Variants in CCDC141 observed in about 807,000 individuals in gnomAD.
The protein encoded by CCDC141 is coiled-coil domain-containing protein 141.
CCDC141 carries 168 observed loss-of-function variants against 181.0 expected under a neutral mutation model. That is an observed-to-expected ratio of 0.93 (90% CI 0.82 to 1.05). CCDC141 has a LOEUF of 1.05. CCDC141 is among the 50% of genes least tolerant of loss of function. The pLI is 0.00. For synonymous variants in CCDC141, 666 were observed against 642.3 expected (o/e 1.04, Z -0.56); for missense variants, 1,902 against 1,788.5 (o/e 1.06, Z -1.14).
intron 4 of CCDC141, among the ~76,000 whole-genome samples, chr2:178,970,411 A>G (rs1376663094): frequency 1.3e-5 from 2 of 152,224 alleles, no homozygotes; most frequent in African/African-American, 2.4e-5. Flanking sequence ...TGATACTGGT[A>G]CCAAAACAGA....
intron 2 of CCDC141, among the ~76,000 whole-genome samples, chr2:179,038,343 G>A (rs1295327062): frequency 6.6e-6 from 1 of 152,138 alleles, no homozygotes; most frequent in Non-Finnish European, 1.5e-5. Context: ...AAGTGGATTA[G>A]AGCTTACCAG....
chr2:178,964,314 G>A (rs1310590857), intron 4 of CCDC141, among the ~76,000 whole-genome samples: 2 of 152,128 alleles, frequency 1.3e-5, no homozygotes, highest in East Asian at 1.9e-4. Flanking sequence ...GAAGGCAACA[G>A]GGTCTCCACA....
intron 15 of CCDC141, 71 bp downstream of exon 15, chr2:178,869,046 T>C: frequency 1.7e-6 from 2 of 1,155,456 alleles, no homozygotes; most frequent in Non-Finnish European, 1.2e-6. Context: ...CTTTATTTAT[T>C]ATATAATAAT....
intron 7 of CCDC141, among the ~76,000 whole-genome samples, chr2:178,917,898 T>C (rs1688522075): frequency 6.6e-6 from 1 of 152,248 alleles, no homozygotes; most frequent in African/African-American, 2.4e-5. Flanking sequence ...GCTAAGGCAC[T>C]GTTTCTAGCC....
At chr2:178,892,662 A>G (rs1439436658) in intron 8 of CCDC141, among the ~76,000 whole-genome samples, 3 of 152,204 alleles carry the variant, frequency 2.0e-5, no homozygotes, top group African/African-American at 7.2e-5. Context: ...CAATTTCCTC[A>G]GCACCTGAAC....
chr2:178,860,270 A>G (rs1248695320), intron 17 of CCDC141, among the ~76,000 whole-genome samples: 2 of 152,108 alleles, frequency 1.3e-5, no homozygotes, highest in Non-Finnish European at 2.9e-5. Flanking sequence ...ATCATTTGCT[A>G]CAATTATCAA....
intron 22 of CCDC141, among the ~76,000 whole-genome samples, chr2:178,843,126 C>A (rs747819605): frequency 6.6e-6 from 1 of 152,178 alleles, no homozygotes; most frequent in Non-Finnish European, 1.5e-5. Context: ...TGGACATCTA[C>A]AGTATCATTA....
At chr2:178,990,482 T>C (rs1456501931) in intron 2 of CCDC141, among the ~76,000 whole-genome samples, 1 of 148,728 alleles carries the variant, frequency 6.7e-6, no homozygotes, top group Non-Finnish European at 1.5e-5. Context: ...TATATCCATA[T>C]GAAGGAGTAT....
At chr2:178,947,778 C>T (rs1478471700) in intron 5 of CCDC141, among the ~76,000 whole-genome samples, 2 of 152,196 alleles carry the variant, frequency 1.3e-5, no homozygotes, top group Non-Finnish European at 2.9e-5. Context: ...AATACGGTAG[C>T]CTCTCATCAT....
At chr2:178,905,279 G>A in intron 8 of CCDC141, 50 bp downstream of exon 8, 1 of 1,458,960 alleles carries the variant, frequency 6.9e-7, no homozygotes, top group Non-Finnish European at 9.2e-7. Flanking sequence ...GCACGTTGTG[G>A]AAACTGTGAA....
chr2:179,047,151 G>T, intron 2 of CCDC141, 133 bp downstream of exon 2: 1 of 659,898 alleles, frequency 1.5e-6, no homozygotes, highest in Non-Finnish European at 2.2e-6. Flanking sequence ...AATAACTACT[G>T]ATTTTTCCAT....
At chr2:179,039,773 G>A (rs2043244360) in intron 2 of CCDC141, among the ~76,000 whole-genome samples, 1 of 152,142 alleles carries the variant, frequency 6.6e-6, no homozygotes, top group African/African-American at 2.4e-5. Flanking sequence ...AACCAACTTG[G>A]ATCCAACAAT....
chr2:179,021,572 T>G (rs2042693102), intron 2 of CCDC141, among the ~76,000 whole-genome samples: 1 of 152,148 alleles, frequency 6.6e-6, no homozygotes, highest in African/African-American at 2.4e-5. Flanking sequence ...TTTCAGGGGC[T>G]CCTGTGCTAA....
At chr2:178,911,554 C>T (rs1308344004) in intron 7 of CCDC141, among the ~76,000 whole-genome samples, 1 of 152,116 alleles carries the variant, frequency 6.6e-6, no homozygotes, top group East Asian at 1.9e-4. Flanking sequence ...CAACTGTATC[C>T]CAAAAAGAGT....
chr2:178,856,843 C>A (rs1685411271), intron 17 of CCDC141, among the ~76,000 whole-genome samples: 1 of 152,124 alleles, frequency 6.6e-6, no homozygotes, highest in South Asian at 2.1e-4. Flanking sequence ...CCTTGGCCTC[C>A]CAAAGTGCTG....
chr2:178,954,715 C>G lies in CCDC141; in HGVS notation c.780+6515G>C, dbSNP rs373998941. Reference sequence around the variant, plus strand: ...TTGTTCTAATTTTCTACTTAATTTCCCTTTTTCTTAAGTGGTTAAAATGAT... The same window carrying G: ...TTGTTCTAATTTTCTACTTAATTTCGCTTTTTCTTAAGTGGTTAAAATGAT... On this transcript the variant is annotated intron_variant, in intron 5 of 23. Transcript: ENST00000443758. Among the ~76,000 whole-genome samples, 148 of 152,100 alleles carry G rather than the reference C, an allele frequency of 9.7e-4. 1 individual carries two copies. The highest frequency in any genetic ancestry group is 3.4e-3 in the African/African-American group (143 of 41,482).
Position 178,885,037 on chromosome 2 carries a change from AATTC to A in CCDC141, c.1579_1582del (p.Glu527LeufsTer16). The A allele has an allele frequency of 6.5e-7, 1 of 1,550,300 alleles. No individual in the cohort carries two copies. Among genetic ancestry groups the A allele is most frequent in the Non-Finnish European group, 8.7e-7 (1 of 1,146,756 alleles). On this transcript the variant is annotated frameshift_variant, in exon 11 of 24. Coordinates refer to ENST00000443758, the MANE Select transcript of CCDC141 (RefSeq NM_173648.4). LOFTEE classifies it high-confidence loss of function. ...AAGTGATACCATTTCATCAGATACA[AATTC>A]ATTTTTCTCCATCATGGTTTTTGCA...
intron 22 of CCDC141, among the ~76,000 whole-genome samples, chr2:178,843,746 G>C (rs1462175653): frequency 6.6e-6 from 1 of 152,110 alleles, no homozygotes; most frequent in Non-Finnish European, 1.5e-5. Context: ...TTTTCACTTG[G>C]TGCTTCCTAT....
chr2:178,884,817 C>G (rs1686802474), intron 11 of CCDC141, 84 bp downstream of exon 11: 2 of 1,132,218 alleles, frequency 1.8e-6, no homozygotes, highest in South Asian at 3.1e-5. Context: ...ACCTACCCAC[C>G]AAGGCAGAGC....
Sources: gnomAD v4.1 joint callset for allele counts (sites outside exome capture counted in the v4.1 genomes callset) on GRCh38, gnomAD v4.1.1 for gene constraint, MANE v1.5 for transcripts, NCBI Gene and HGNC (gene_info 2026-07-23, HGNC 2026-07-21) for gene names.